UST: variants seen among roughly 807,000 people sequenced by gnomAD.
UST encodes the protein uronyl 2-sulfotransferase, also known as chondroitin sulfate 2-O-sulfotransferase.
UST carries 21 observed loss-of-function variants against 45.6 expected under a neutral mutation model. The observed-to-expected ratio is 0.46, with a 90% confidence interval of 0.33 to 0.66. The LOEUF (loss-of-function observed/expected upper bound fraction) is 0.66, where lower values mean the gene tolerates loss of function less well. Ranked by LOEUF, UST falls within the 30% of genes least tolerant of loss-of-function variation. The pLI, the probability that UST is intolerant of heterozygous loss-of-function variation, is 0.02. For missense variants in UST, 463 were observed against 512.4 expected (o/e 0.90, Z 0.93); for synonymous variants, 215 against 200.6 (o/e 1.07, Z -0.61).
chr6:148,828,377 G>A (rs546932600), intron 1 of UST, among the ~76,000 whole-genome samples: 47 of 152,146 alleles, frequency 3.1e-4, no homozygotes, highest in South Asian at 8.3e-4. Context: ...TAATAATGCC[G>A]TTATATTACT....
chr6:148,909,245 T>G (rs1779429905), intron 2 of UST, among the ~76,000 whole-genome samples: 2 of 152,214 alleles, frequency 1.3e-5, no homozygotes, highest in African/African-American at 4.8e-5. Context: ...AGAGCACTGA[T>G]CTTTAATGGT....
rs1307350451 is a variant in UST at position 148,952,245 on chromosome 6, GAAC to G, written c.448-1623_448-1621del. On this transcript the variant is annotated intron_variant, in intron 3 of 7. Coordinates refer to ENST00000367463, the MANE Select transcript of UST (RefSeq NM_005715.3). ...TAGTAAATGCATCAAAAATCAAAAT[GAAC>G]AACGTGACCACGCAGGAAGTTTTAC... Among the ~76,000 whole-genome samples, 7 of 152,238 alleles carry G rather than the reference GAAC, an allele frequency of 4.6e-5. 1 individual carries two copies. In the East Asian group the frequency reaches 1.2e-3, roughly 25 times the overall value.
chr6:148,799,478 G>C (rs1444357295), intron 1 of UST, among the ~76,000 whole-genome samples: 1 of 152,140 alleles, frequency 6.6e-6, no homozygotes, highest in Admixed American at 6.5e-5. Flanking sequence ...GGGCGAAGTT[G>C]GTGGTTCCCG....
At position 148,985,001 on chromosome 6, in the gene UST, G is replaced by A. The variant is rs13197697; in HGVS notation, c.681+20438G>A. Among the ~76,000 whole-genome samples the A allele has an allele frequency of 4.5e-3, 681 of 152,332 alleles. 4 individuals are homozygous for A. Among genetic ancestry groups the A allele is most frequent in the Middle Eastern group, 0.014 (4 of 294 alleles). Reference sequence around the variant, plus strand: ...AGCTAAAGGATGAAGAGGCGTTCAGGATGATTCTAGGTTTCTAGTTGGAGT... The same window carrying A: ...AGCTAAAGGATGAAGAGGCGTTCAGAATGATTCTAGGTTTCTAGTTGGAGT... On this transcript the variant is annotated intron_variant, in intron 5 of 7. Coordinates refer to ENST00000367463, the MANE Select transcript of UST (RefSeq NM_005715.3).
At chr6:148,995,230 C>T (rs866130824) in intron 5 of UST, among the ~76,000 whole-genome samples, 11 of 152,330 alleles carry the variant, frequency 7.2e-5, no homozygotes, top group African/African-American at 2.6e-4. Flanking sequence ...TTGCCATTGG[C>T]CAGGCTGGTC....
chr6:148,928,153 C>T (rs71568264), intron 2 of UST, among the ~76,000 whole-genome samples: 1 of 151,956 alleles, frequency 6.6e-6, no homozygotes, highest in Non-Finnish European at 1.5e-5. Context: ...CTCTATTGCC[C>T]TAGGGCAACT....
intron 1 of UST, among the ~76,000 whole-genome samples, chr6:148,816,818 A>G (rs1336869031): frequency 6.6e-6 from 1 of 152,208 alleles, no homozygotes; most frequent in Non-Finnish European, 1.5e-5. Context: ...TGTTACACTC[A>G]TTTGTGGAGT....
intron 1 of UST, among the ~76,000 whole-genome samples, chr6:148,773,376 G>T (rs937189320): frequency 1.3e-5 from 2 of 151,918 alleles, no homozygotes; most frequent in Admixed American, 6.6e-5. Context: ...CAGGAGAATC[G>T]CTTGAACCCG....
At chr6:149,031,408 C>A (rs1324179532) in intron 7 of UST, among the ~76,000 whole-genome samples, 1 of 152,108 alleles carries the variant, frequency 6.6e-6, no homozygotes, top group Admixed American at 6.5e-5. Flanking sequence ...GAAACATCAC[C>A]AATTCACAAG....
At chr6:148,784,490 G>C (rs1239918813) in intron 1 of UST, among the ~76,000 whole-genome samples, 1 of 152,190 alleles carries the variant, frequency 6.6e-6, no homozygotes, top group Non-Finnish European at 1.5e-5. Context: ...CCATTCACGA[G>C]GAACTGTCTC....
intron 1 of UST, among the ~76,000 whole-genome samples, chr6:148,828,279 G>A (rs1048254796): frequency 2.5e-4 from 38 of 149,424 alleles, no homozygotes; most frequent in African/African-American, 9.0e-4. Flanking sequence ...CACTATAATT[G>A]TGCTCTTTCA....
rs142116622 is a variant in UST at position 149,020,786 on chromosome 6, C to T, written c.780-538C>T. ...GATTTTTACAAATTAGGCTGTTTTCCTTCTGCAATCTAGACAAACAAAATA... is the reference window on the plus strand; with the variant it reads ...GATTTTTACAAATTAGGCTGTTTTCTTTCTGCAATCTAGACAAACAAAATA... On this transcript the variant is annotated intron_variant, in intron 6 of 7. Transcript: ENST00000367463. Among the ~76,000 whole-genome samples the T allele has an allele frequency of 6.3e-3, 955 of 152,286 alleles. 10 individuals are homozygous for T. The highest frequency in any genetic ancestry group is 0.022 in the African/African-American group (909 of 41,550).
chr6:148,780,812 C>G (rs1324429628), intron 1 of UST, among the ~76,000 whole-genome samples: 1 of 152,098 alleles, frequency 6.6e-6, no homozygotes, highest in Admixed American at 6.5e-5. Context: ...ATATTTTCAA[C>G]TTTTTCATTA....
chr6:148,869,597 T>G (rs1421444112), intron 1 of UST, among the ~76,000 whole-genome samples: 1 of 152,238 alleles, frequency 6.6e-6, no homozygotes, highest in Non-Finnish European at 1.5e-5. Context: ...GATGGTTCTA[T>G]CTGTCCCACA....
chr6:148,761,980 G>T (rs1013343485), intron 1 of UST, among the ~76,000 whole-genome samples: 19 of 152,166 alleles, frequency 1.2e-4, no homozygotes, highest in Admixed American at 1.2e-3. Context: ...ACCAAATGGC[G>T]CAGTGTCTTT....
intron 1 of UST, among the ~76,000 whole-genome samples, chr6:148,842,749 T>G (rs1488899792): frequency 6.6e-6 from 1 of 152,202 alleles, no homozygotes; most frequent in Non-Finnish European, 1.5e-5. Context: ...CACTTAGCCT[T>G]AATTCCTACC....
At chr6:149,069,569 T>C (rs992088255) in intron 7 of UST, among the ~76,000 whole-genome samples, 8 of 152,216 alleles carry the variant, frequency 5.3e-5, no homozygotes, top group Non-Finnish European at 1.2e-4. Flanking sequence ...AAGGATATAA[T>C]GTCACTTTTG....
chr6:149,060,826 G>T (rs1776643235), intron 7 of UST, among the ~76,000 whole-genome samples: 3 of 152,180 alleles, frequency 2.0e-5, no homozygotes, highest in Admixed American at 2.0e-4. Context: ...AGGCCTCTCA[G>T]TTGATCACCA....
At chr6:149,059,928 T>C (rs948373262) in intron 7 of UST, among the ~76,000 whole-genome samples, 1 of 151,648 alleles carries the variant, frequency 6.6e-6, no homozygotes, top group Admixed American at 6.6e-5. Flanking sequence ...TGATTTCCAT[T>C]CCACAGGGGC....
Sources: gnomAD v4.1 joint callset for allele counts (sites outside exome capture counted in the v4.1 genomes callset) on GRCh38, gnomAD v4.1.1 for gene constraint, MANE v1.5 for transcripts, NCBI Gene and HGNC (gene_info 2026-07-23, HGNC 2026-07-21) for gene names.